ULK4: variants seen among roughly 807,000 people sequenced by gnomAD.
The protein encoded by ULK4 is unc-51 like kinase 4.
Under a neutral mutation model 160.6 loss-of-function variants are expected in ULK4, and 133 were observed. The observed-to-expected ratio is 0.83, with a 90% CI of 0.72 to 0.96. The LOEUF (loss-of-function observed/expected upper bound fraction) is 0.96, where lower values mean the gene tolerates loss of function less well. Among genes scored for constraint, ULK4 ranks in the 40% least tolerant of loss-of-function variants. ULK4 has a pLI of 0.00. For missense variants in ULK4, 1,580 were observed against 1,499.5 expected, an observed-to-expected ratio of 1.05 and a Z score of -0.89; for synonymous variants, 534 against 539.8, an observed-to-expected ratio of 0.99 and a Z score of 0.15.
chr3:41,803,420 T>A (rs1354139879), intron 19 of ULK4, among the ~76,000 whole-genome samples: 1 of 152,160 alleles, frequency 6.6e-6, no homozygotes, highest in Non-Finnish European at 1.5e-5. Flanking sequence ...ATGTAAAAGT[T>A]AGATCCATAA....
chr3:41,306,698 A>C (rs908728241), intron 35 of ULK4, among the ~76,000 whole-genome samples: 2 of 152,138 alleles, frequency 1.3e-5, no homozygotes, highest in Non-Finnish European at 2.9e-5. Context: ...GTTTTGTGGA[A>C]TAGAAAAGGG....
At position 41,907,869 on chromosome 3, in the gene ULK4, T is replaced by C. The variant is rs760122283; in HGVS notation, c.1158A>G (p.Pro386=). The change falls in exon 12 of 37, where the codon CCA becomes CCG. Residue 386 remains proline, a synonymous_variant. Transcript: ENST00000301831. ...SPGEDMTHCS[P]QKTSPLTKIT... is the part of the protein sequence containing the mutation. ...CCTTGGTCAGAGGAGAAGTCTTCTGTGGTGAACAGTGAGTCATATCCTCAC... is the reference window on the plus strand; with the variant it reads ...CCTTGGTCAGAGGAGAAGTCTTCTGCGGTGAACAGTGAGTCATATCCTCAC... 1 of 1,599,898 alleles carries C rather than the reference T, an allele frequency of 6.3e-7. No individual in the cohort carries two copies.
At chr3:41,802,321 A>G (rs570195305) in intron 19 of ULK4, among the ~76,000 whole-genome samples, 70 of 152,294 alleles carry the variant, frequency 4.6e-4, no homozygotes, top group Admixed American at 1.6e-3. Flanking sequence ...TTTTTGAGAC[A>G]CAGTCTCACT....
At chr3:41,678,429 TA>T (rs2035807804) in intron 29 of ULK4, among the ~76,000 whole-genome samples, 1 of 152,168 alleles carries the variant, frequency 6.6e-6, no homozygotes, top group Non-Finnish European at 1.5e-5. Flanking sequence ...TTTCTAGGAT[TA>T]CCCTCTCCAC....
rs141382857 is a variant in ULK4 at position 41,717,173 on chromosome 3, A to G, written c.2455+555T>C. ...ATTATAGTTAACAAAAATGTATTAT[A>G]GGTGGGTGACGGACACCCTAAATAC... On this transcript the variant is annotated intron_variant, in intron 23 of 36. Coordinates refer to ENST00000301831, the MANE Select transcript of ULK4 (RefSeq NM_017886.4). Among the ~76,000 whole-genome samples, 514 of 152,298 alleles carry G rather than the reference A, an allele frequency of 3.4e-3. 1 individual carries two copies. Among genetic ancestry groups the G allele is most frequent in the African/African-American group, 0.012 (487 of 41,576 alleles).
chr3:41,578,698 G>A (rs570690748), intron 31 of ULK4, among the ~76,000 whole-genome samples: 57 of 152,302 alleles, frequency 3.7e-4, no homozygotes, highest in Non-Finnish European at 6.6e-4. Flanking sequence ...GTCAATCAAG[G>A]AGTCTTGTGG....
intron 29 of ULK4, 70 bp downstream of exon 29, chr3:41,681,438 A>T: frequency 6.3e-7 from 1 of 1,591,992 alleles, no homozygotes; most frequent in Non-Finnish European, 8.6e-7. Context: ...CCCATCACTG[A>T]ACCTAGTTTG....
intron 5 of ULK4, among the ~76,000 whole-genome samples, chr3:41,920,573 C>G (rs1699148206): frequency 6.6e-6 from 1 of 152,276 alleles, no homozygotes; most frequent in Non-Finnish European, 1.5e-5. Flanking sequence ...TAGGCAGTTG[C>G]AGAGCACCTG....
At chr3:41,576,400 C>G (rs1205181484) in intron 31 of ULK4, among the ~76,000 whole-genome samples, 1 of 152,186 alleles carries the variant, frequency 6.6e-6, no homozygotes, top group African/African-American at 2.4e-5. Flanking sequence ...TGCTGAGTGC[C>G]TTGAGGGCAC....
chr3:41,256,959 A>G (rs1287852801), intron 35 of ULK4, among the ~76,000 whole-genome samples: 3 of 152,174 alleles, frequency 2.0e-5, no homozygotes, highest in Non-Finnish European at 4.4e-5. Flanking sequence ...GGCTCAAGCA[A>G]TCTTCTTGCT....
chr3:41,386,757 T>C (rs1425738797), intron 35 of ULK4, among the ~76,000 whole-genome samples: 2 of 152,170 alleles, frequency 1.3e-5, no homozygotes, highest in Non-Finnish European at 2.9e-5. Context: ...CTGCAGATAC[T>C]AGGAGGAGAC....
intron 5 of ULK4, among the ~76,000 whole-genome samples, chr3:41,930,001 T>C (rs1355725115): frequency 6.6e-6 from 1 of 152,156 alleles, no homozygotes; most frequent in Non-Finnish European, 1.5e-5. Context: ...AAATTTCATA[T>C]GGAACCAAAA....
chr3:41,373,092 T>C (rs929367387), intron 35 of ULK4, among the ~76,000 whole-genome samples: 1 of 152,202 alleles, frequency 6.6e-6, no homozygotes, highest in Non-Finnish European at 1.5e-5. Context: ...GAGCTAACTA[T>C]CCTAAATATA....
chr3:41,750,341 T>C (rs2038577404), intron 22 of ULK4, among the ~76,000 whole-genome samples: 1 of 152,178 alleles, frequency 6.6e-6, no homozygotes, highest in African/African-American at 2.4e-5. Context: ...GAGTACAGTA[T>C]CAGAAGAGAA....
intron 35 of ULK4, among the ~76,000 whole-genome samples, chr3:41,387,319 T>C (rs1269174708): frequency 2.0e-5 from 3 of 152,168 alleles, no homozygotes; most frequent in Non-Finnish European, 4.4e-5. Context: ...TACAACGGTA[T>C]AGAATGCTAG....
intron 22 of ULK4, among the ~76,000 whole-genome samples, chr3:41,719,693 A>C (rs780723422): frequency 6.6e-6 from 1 of 152,128 alleles, no homozygotes; most frequent in Non-Finnish European, 1.5e-5. Flanking sequence ...GACTATTACA[A>C]TAGGCTTCTA....
rs1575666522 is a variant in ULK4 at position 41,764,010 on chromosome 3, G to A, written c.2194-9522C>T. 2.0e-5 allele frequency among the ~76,000 whole-genome samples: 3 copies of A among 152,142 alleles called. No homozygotes were observed. The East Asian group carries it at 5.8e-4, about 29-fold the overall frequency. ...ACCCAAAGTTTTGTGCTACCCAAAG[G>A]ATAATACATTTCTTATTCTAATCCA... On this transcript the variant is annotated intron_variant, in intron 21 of 36. Transcript: ENST00000301831.
chr3:41,614,818 C>T (rs925705714), intron 31 of ULK4, among the ~76,000 whole-genome samples: 5 of 152,186 alleles, frequency 3.3e-5, no homozygotes, highest in African/African-American at 1.2e-4. Context: ...AAGTTGATTT[C>T]CCATGTGTAG....
intron 35 of ULK4, among the ~76,000 whole-genome samples, chr3:41,291,471 A>AGGGAAG (rs1559507695): frequency 1.6e-5 from 2 of 122,990 alleles, no homozygotes; most frequent in East Asian, 3.4e-4. Flanking sequence ...AGAGGAGGGG[A>AGGGAAG]AGGAGAGGAG....
Sources: gnomAD v4.1 joint callset for allele counts (sites outside exome capture counted in the v4.1 genomes callset) on GRCh38, gnomAD v4.1.1 for gene constraint, MANE v1.5 for transcripts, NCBI Gene and HGNC (gene_info 2026-07-23, HGNC 2026-07-21) for gene names.